Variants in NARS2 observed in about 807,000 individuals in gnomAD.
The protein encoded by NARS2 is asparaginyl-tRNA synthetase.
Under a neutral mutation model 62.9 loss-of-function variants are expected in NARS2, and 60 were observed. The observed-to-expected ratio is 0.95, with a 90% confidence interval of 0.77 to 1.18. The LOEUF (loss-of-function observed/expected upper bound fraction) is 1.18, where lower values mean the gene tolerates loss of function less well. Ranked by LOEUF, NARS2 falls within the 50% of genes most tolerant of loss-of-function variation. The probability of loss-of-function intolerance (pLI) is 0.00; values close to 1 mark genes in which losing one functional copy is unlikely to be tolerated. For synonymous variants in NARS2, 196 were observed against 200.0 expected (o/e 0.98, Z 0.17); for missense variants, 619 against 576.4 (o/e 1.07, Z -0.76).
At chr11:78,536,050 C>G (rs1259663624) in intron 5 of NARS2, among the ~76,000 whole-genome samples, 4 of 152,122 alleles carry the variant, frequency 2.6e-5, no homozygotes, top group Non-Finnish European at 5.9e-5. Context: ...TAGTCATGTA[C>G]TACATACTGA....
At chr11:78,496,618 G>C (rs1022767913) in intron 6 of NARS2, among the ~76,000 whole-genome samples, 4 of 152,098 alleles carry the variant, frequency 2.6e-5, no homozygotes, top group African/African-American at 4.8e-5. Context: ...AAAATTTTTA[G>C]TATATTCCCC....
intron 6 of NARS2, among the ~76,000 whole-genome samples, chr11:78,520,413 A>C (rs1019830038): frequency 6.6e-6 from 1 of 152,116 alleles, no homozygotes; most frequent in Admixed American, 6.5e-5. Flanking sequence ...TTTCTCTTAT[A>C]AAAATACCAG....
intron 7 of NARS2, 32 bp from the exon 8 acceptor site, chr11:78,478,715 G>C (rs373506723): frequency 1.4e-6 from 2 of 1,417,666 alleles, no homozygotes; most frequent in Non-Finnish European, 1.9e-6. Context: ...CACCTGACAC[G>C]TAAGCAATTT....
intron 5 of NARS2, chr11:78,558,215 C>A (rs571963098): frequency 7.2e-5 from 11 of 152,106 alleles, no homozygotes; most frequent in Non-Finnish European, 1.3e-4. Flanking sequence ...GATGCTAATA[C>A]CCCCACTCTA....
intron 5 of NARS2, among the ~76,000 whole-genome samples, chr11:78,539,419 G>A (rs1855524227): frequency 6.6e-6 from 1 of 152,102 alleles, no homozygotes; most frequent in Non-Finnish European, 1.5e-5. Context: ...TGAGTAGATG[G>A]TAACTTTCAC....
intron 12 of NARS2, among the ~76,000 whole-genome samples, chr11:78,442,997 T>C (rs1401590589): frequency 2.0e-5 from 3 of 152,066 alleles, no homozygotes; most frequent in Non-Finnish European, 2.9e-5. Context: ...CAATCATAAT[T>C]GAGAGTAAAT....
chr11:78,476,234 G>A (rs1859089214), intron 9 of NARS2, among the ~76,000 whole-genome samples: 1 of 152,198 alleles, frequency 6.6e-6, no homozygotes, highest in African/African-American at 2.4e-5. Context: ...ACACAGCTAT[G>A]ACTAAGATCC....
At position 78,517,401 on chromosome 11, in the gene NARS2, G is replaced by A. The variant is rs1860953710; in HGVS notation, c.689+11441C>T. On this transcript the variant is annotated intron_variant, in intron 6 of 13. Coordinates refer to ENST00000281038, the MANE Select transcript of NARS2 (RefSeq NM_024678.6). ...CAACTGGCATTCAGTTCATAGGTGG[G>A]GAGCTGAGCAAAGAATCCATGTTAG... 6.6e-5 allele frequency among the ~76,000 whole-genome samples: 10 copies of A among 152,276 alleles called. 1 individual carries two copies. In the South Asian group the frequency reaches 2.1e-3, roughly 32 times the overall value.
chr11:78,549,305 T>C (rs909437029), intron 5 of NARS2, among the ~76,000 whole-genome samples: 7 of 152,196 alleles, frequency 4.6e-5, no homozygotes, highest in Admixed American at 1.3e-4. Flanking sequence ...GGAGGTCTTG[T>C]AGTGAGAATG....
intron 6 of NARS2, among the ~76,000 whole-genome samples, chr11:78,518,899 G>C (rs773806859): frequency 2.0e-5 from 3 of 152,200 alleles, no homozygotes; most frequent in Non-Finnish European, 2.9e-5. Context: ...AGAAAAGCAG[G>C]AAGAGAGTCA....
At chr11:78,520,365 T>C (rs1861069673) in intron 6 of NARS2, among the ~76,000 whole-genome samples, 1 of 152,194 alleles carries the variant, frequency 6.6e-6, no homozygotes, top group Non-Finnish European at 1.5e-5. Context: ...TCCCTGTGTG[T>C]GTGTCTCCTA....
At chr11:78,437,521 A>G (rs926940659) in intron 13 of NARS2, among the ~76,000 whole-genome samples, 4 of 152,184 alleles carry the variant, frequency 2.6e-5, no homozygotes, top group African/African-American at 9.6e-5. Context: ...TTTTCCCACT[A>G]AAGACCACAT....
intron 11 of NARS2, among the ~76,000 whole-genome samples, chr11:78,448,960 ACT>A (rs535590450): frequency 1.1e-3 from 173 of 152,134 alleles, no homozygotes; most frequent in African/African-American, 3.9e-3. Flanking sequence ...AATATAAAAG[ACT>A]CATATTTATT....
intron 6 of NARS2, among the ~76,000 whole-genome samples, chr11:78,516,391 A>C (rs1392954186): frequency 6.6e-6 from 1 of 152,260 alleles, no homozygotes; most frequent in Non-Finnish European, 1.5e-5. Flanking sequence ...AATGACATTT[A>C]AAAATGCACT....
At chr11:78,569,242 A>G (rs796798112) in intron 2 of NARS2, among the ~76,000 whole-genome samples, 6 of 152,350 alleles carry the variant, frequency 3.9e-5, no homozygotes, top group African/African-American at 1.2e-4. Flanking sequence ...TATGACAACT[A>G]TGGAAAGTCA....
At chr11:78,524,650 A>C (rs1359140666) in intron 6 of NARS2, among the ~76,000 whole-genome samples, 1 of 152,102 alleles carries the variant, frequency 6.6e-6, no homozygotes, top group African/African-American at 2.4e-5. Flanking sequence ...ATTCATAAGC[A>C]AAATGCAATG....
intron 6 of NARS2, among the ~76,000 whole-genome samples, chr11:78,502,285 C>T (rs892125777): frequency 2.7e-4 from 41 of 152,274 alleles, no homozygotes; most frequent in African/African-American, 7.5e-4. Flanking sequence ...AAATCCAAGA[C>T]CAAAGTGACA....
Position 78,574,491 on chromosome 11 carries a change from C to G in NARS2, c.-3G>C, listed in dbSNP as rs747743864. ...AGCAGGCAGCGGACCCCCAGCATCC[C>G]GCGTCCGCCCAGGCCCTCCGCGGGA... On this transcript the variant is annotated 5_prime_UTR_variant, in exon 1 of 14. Transcript: ENST00000281038. 2 of 1,608,130 alleles carry G rather than the reference C, an allele frequency of 1.2e-6. No homozygotes were observed. Among genetic ancestry groups the G allele is most frequent in the African/African-American group, 1.3e-5 (1 of 74,812 alleles).
At chr11:78,469,851 A>T (rs189344529) in intron 9 of NARS2, among the ~76,000 whole-genome samples, 1 of 152,300 alleles carries the variant, frequency 6.6e-6, no homozygotes. Flanking sequence ...AGAAAAATAA[A>T]GTGGAATAAG....
Sources: gnomAD v4.1 joint callset for allele counts (sites outside exome capture counted in the v4.1 genomes callset) on GRCh38, gnomAD v4.1.1 for gene constraint, MANE v1.5 for transcripts, NCBI Gene and HGNC (gene_info 2026-07-23, HGNC 2026-07-21) for gene names.